The following SPDYA variants were observed in gnomAD, a reference collection of about 807,000 sequenced individuals.
SPDYA encodes the protein speedy/RINGO cell cycle regulator family member A.
A neutral mutation model predicts 36.7 loss-of-function variants in SPDYA; 11 were observed. The observed-to-expected ratio is 0.30, with a 90% CI of 0.19 to 0.50. The LOEUF (loss-of-function observed/expected upper bound fraction) is 0.50. SPDYA is among the 20% of genes least tolerant of loss of function. The pLI, the probability that SPDYA is intolerant of heterozygous loss-of-function variation, is 0.98. For synonymous variants in SPDYA, 115 were observed against 118.7 expected (o/e 0.97, Z 0.20); for missense variants, 287 against 370.9 (o/e 0.77, Z 1.86).
rs1341518054 is a variant in SPDYA at position 28,814,594 on chromosome 2, A to G, written c.-92-19A>G. On this transcript the variant is annotated intron_variant, in intron 1 of 7. Coordinates refer to ENST00000334056, the MANE Select transcript of SPDYA (RefSeq NM_182756.4). Reference sequence around the variant, plus strand: ...GACAGTGCTGTTCTAACCTCGCTAAATCCAATCTTATTTTCCAGTCCTTCC... The same window carrying G: ...GACAGTGCTGTTCTAACCTCGCTAAGTCCAATCTTATTTTCCAGTCCTTCC... 6.6e-6 allele frequency: 1 copy of G among 152,180 alleles called. No individual in the cohort carries two copies. The highest frequency in any genetic ancestry group is 1.5e-5 in the Non-Finnish European group (1 of 68,028). 9.4% of individuals were successfully genotyped at this position (152,180 alleles called of 1,614,324 possible). A position where few individuals can be genotyped will look rare whatever the true frequency, so the allele number is the denominator to read the frequency against.
chr2:28,820,894 A>G (rs1236656903), intron 4 of SPDYA, among the ~76,000 whole-genome samples: 5 of 152,208 alleles, frequency 3.3e-5, no homozygotes. Context: ...AATTTAAAAC[A>G]TACACAATTT....
At chr2:28,817,602 G>A (rs1668019241) in intron 3 of SPDYA, among the ~76,000 whole-genome samples, 1 of 151,578 alleles carries the variant, frequency 6.6e-6, no homozygotes, top group Admixed American at 6.6e-5. Flanking sequence ...TGGGCCAGGC[G>A]CAGTGGCTCA....
intron 6 of SPDYA, among the ~76,000 whole-genome samples, chr2:28,833,626 TC>T (rs1668525452): frequency 6.6e-6 from 1 of 152,130 alleles, no homozygotes; most frequent in African/African-American, 2.4e-5. Flanking sequence ...GAAAATGTAG[TC>T]TTTTCAACAA....
chr2:28,845,840 C>T (rs527539318), intron 7 of SPDYA, among the ~76,000 whole-genome samples: 3 of 152,236 alleles, frequency 2.0e-5, no homozygotes, highest in South Asian at 2.1e-4. Context: ...CCACCGCGCC[C>T]GACCTGTCTG....
At position 28,850,561 on chromosome 2, in the gene SPDYA, GA is replaced by G; in HGVS notation, c.*623del. 2 of 572,390 alleles carry G rather than the reference GA, an allele frequency of 3.5e-6. No individual in the cohort carries two copies. Among genetic ancestry groups the G allele is most frequent in the East Asian group, 5.8e-5 (2 of 34,278 alleles). 35.5% of individuals were successfully genotyped at this position (572,390 alleles called of 1,614,324 possible). A position where few individuals can be genotyped will look rare whatever the true frequency, so the allele number is the denominator to read the frequency against. On this transcript the variant is annotated 3_prime_UTR_variant, in exon 8 of 8. Transcript: ENST00000334056. ...GAGCTACTCTGCCAGTTATTATACA[GA>G]AACTATTTGTCAATGATTATGTAAT...
At position 28,811,541 on chromosome 2, in the gene SPDYA, T is replaced by C. The variant is rs1667844848; in HGVS notation, c.-93+594T>C. 6.6e-6 allele frequency among the ~76,000 whole-genome samples: 1 copy of C among 152,016 alleles called. No homozygotes were observed. The highest frequency in any genetic ancestry group is 2.4e-5 in the African/African-American group (1 of 41,388). ...GAAGATTCTCTTACATGACATCCAG[T>C]AGGACTGGAGGGCCCCTAGCCTCAA... On this transcript the variant is annotated intron_variant, in intron 1 of 7. Coordinates refer to ENST00000334056, the MANE Select transcript of SPDYA (RefSeq NM_182756.4). The surrounding 1 kb of genome is among the most constrained non-coding windows in gnomAD (Gnocchi z 4.2).
intron 6 of SPDYA, among the ~76,000 whole-genome samples, chr2:28,832,366 C>T (rs1394782894): frequency 6.6e-6 from 1 of 152,116 alleles, no homozygotes; most frequent in Non-Finnish European, 1.5e-5. Context: ...TTGCCAGTTC[C>T]TTTTCACCTC....
At chr2:28,819,131 T>A (rs1273383293) in intron 4 of SPDYA, 25 bp downstream of exon 4, 2 of 1,535,344 alleles carry the variant, frequency 1.3e-6, no homozygotes, top group Non-Finnish European at 1.8e-6. Context: ...AGTATAACAA[T>A]TAACCAGCAT....
intron 6 of SPDYA, among the ~76,000 whole-genome samples, chr2:28,838,654 G>T (rs1668671809): frequency 6.6e-6 from 1 of 152,130 alleles, no homozygotes. Flanking sequence ...TATGTGGAGA[G>T]ACTATGATGA....
chr2:28,816,469 A>G (rs943551216), intron 3 of SPDYA, among the ~76,000 whole-genome samples: 3 of 151,970 alleles, frequency 2.0e-5, no homozygotes, highest in Admixed American at 6.6e-5. Context: ...ATACTCATCT[A>G]GCTTCTAGAC....
chr2:28,819,376 C>A lies in SPDYA; in HGVS notation c.294+270C>A, dbSNP rs534993848. Among the ~76,000 whole-genome samples, 3 of 152,050 alleles carry A rather than the reference C, an allele frequency of 2.0e-5. No homozygotes were observed. The East Asian group carries it at 5.8e-4, about 30-fold the overall frequency. On this transcript the variant is annotated intron_variant, in intron 4 of 7. Coordinates refer to ENST00000334056, the MANE Select transcript of SPDYA (RefSeq NM_182756.4). Reference sequence around the variant, plus strand: ...TTTAAAAATTAGCCAAGTGTGGTGGCATGCACCTGTAGTTCCAGCCACCCA... The same window carrying A: ...TTTAAAAATTAGCCAAGTGTGGTGGAATGCACCTGTAGTTCCAGCCACCCA...
intron 7 of SPDYA, among the ~76,000 whole-genome samples, chr2:28,846,981 T>TA (rs1378430247): frequency 6.6e-6 from 1 of 152,114 alleles, no homozygotes; most frequent in African/African-American, 2.4e-5. Context: ...ATTAAATGAA[T>TA]AACATAATTT....
In SPDYA at chr2:28,821,314, C is replaced by T. The variant is rs746030210; in HGVS notation, c.295-1011C>T. ...TCCCGGGTTCAAGCAATTCTCCTGC[C>T]TCAGCCTCCCAAATGTCTGGGATTA... On this transcript the variant is annotated intron_variant, in intron 4 of 7. Coordinates refer to ENST00000334056, the MANE Select transcript of SPDYA (RefSeq NM_182756.4). 1.3e-4 allele frequency among the ~76,000 whole-genome samples: 20 copies of T among 151,250 alleles called. No homozygotes were observed. In the South Asian group the frequency reaches 1.5e-3, roughly 11 times the overall value.
At chr2:28,812,983 C>T (rs7567861) in intron 1 of SPDYA, among the ~76,000 whole-genome samples, 78,676 of 151,794 alleles carry the variant, frequency 0.52, 20,938 homozygotes, top group Middle Eastern at 0.6. Flanking sequence ...GTTTTCGTTC[C>T]TTTCCTCTTG....
At chr2:28,834,733 T>C (rs1336144182) in intron 6 of SPDYA, among the ~76,000 whole-genome samples, 1 of 151,992 alleles carries the variant, frequency 6.6e-6, no homozygotes, top group Non-Finnish European at 1.5e-5. Context: ...GAAAATGGAG[T>C]GTGATTGCTT....
At chr2:28,845,677 T>C (rs775409652) in intron 7 of SPDYA, among the ~76,000 whole-genome samples, 1 of 152,108 alleles carries the variant, frequency 6.6e-6, no homozygotes, top group Non-Finnish European at 1.5e-5. Flanking sequence ...TCCCAGTAGC[T>C]GGGATTACAG....
chr2:28,846,488 A>G (rs958451070), intron 7 of SPDYA, among the ~76,000 whole-genome samples: 1 of 152,120 alleles, frequency 6.6e-6, no homozygotes, highest in Non-Finnish European at 1.5e-5. Flanking sequence ...TGGGTATAAA[A>G]GGTAGGGCCT....
At chr2:28,830,505 T>C (rs574276159) in intron 6 of SPDYA, among the ~76,000 whole-genome samples, 2 of 152,182 alleles carry the variant, frequency 1.3e-5, no homozygotes, top group East Asian at 3.9e-4. Flanking sequence ...GCCCGGCTTA[T>C]AGTAAGTACT....
Position 28,850,449 on chromosome 2 carries a change from TTC to T in SPDYA, c.*510_*511del. 7.7e-7 allele frequency: 1 copy of T among 1,293,872 alleles called. No individual in the cohort carries two copies. Among genetic ancestry groups the T allele is most frequent in the Non-Finnish European group, 1.1e-6 (1 of 925,222 alleles). The allele number at this position is 1,293,872 out of a possible 1,614,324, so 80.1% of individuals were successfully genotyped here. ...TGTACTATAAGCTACATAAAATATT[TTC>T]TATTTTTTTCACAAAACTGTTAAAA... is the stretch of plus-strand genomic sequence containing the variant. On this transcript the variant is annotated 3_prime_UTR_variant, in exon 8 of 8. Transcript: ENST00000334056.
Sources: allele counts gnomAD v4.1 joint callset (sites outside exome capture counted in the v4.1 genomes callset), GRCh38; gene constraint gnomAD v4.1.1; non-coding constraint Gnocchi (gnomAD v3.1); transcripts MANE v1.5; gene names NCBI Gene and HGNC (gene_info 2026-07-23, HGNC 2026-07-21).